HCFC2: variants seen among roughly 807,000 people sequenced by gnomAD.
HCFC2 encodes host cell factor C2.
Under a neutral mutation model 89.2 loss-of-function variants are expected in HCFC2, and 18 were observed. The observed-to-expected ratio is 0.20, with a 90% CI of 0.14 to 0.30. The LOEUF (loss-of-function observed/expected upper bound fraction) is 0.30, where lower values mean the gene tolerates loss of function less well. Ranked by LOEUF, HCFC2 falls within the 10% of genes least tolerant of loss-of-function variation. The pLI is 1.00. For missense variants in HCFC2, 578 were observed against 956.1 expected (o/e 0.60, Z 5.21); for synonymous variants, 308 against 335.7 (o/e 0.92, Z 0.90).
At position 104,105,277 on chromosome 12, in the gene HCFC2, A is replaced by G. The variant is rs1243729574; in HGVS notation, c.*2004A>G. 6.6e-6 allele frequency: 1 copy of G among 152,064 alleles called. No individual in the cohort carries two copies. Among genetic ancestry groups the G allele is most frequent in the East Asian group, 1.9e-4 (1 of 5,204 alleles). The allele number at this position is 152,064 out of a possible 1,614,324, so 9.4% of individuals were successfully genotyped here. On this transcript the variant is annotated 3_prime_UTR_variant, in exon 15 of 15. Coordinates refer to ENST00000229330, the MANE Select transcript of HCFC2 (RefSeq NM_013320.3). ...TAAAGATCTATTGCTTTAATAGAAA[A>G]AGTTTGGCTTTTAACCCTTTCTTCT... is the stretch of plus-strand genomic sequence containing the variant.
At chr12:104,072,229 G>A (rs1275345399) in intron 3 of HCFC2, among the ~76,000 whole-genome samples, 3 of 152,130 alleles carry the variant, frequency 2.0e-5, no homozygotes, top group Non-Finnish European at 2.9e-5. Flanking sequence ...AAAATTAGCC[G>A]GGTGTAGTGG....
Position 104,080,830 on chromosome 12 carries a change from A to G in HCFC2, c.767A>G (p.Lys256Arg). Residue 256 changes from lysine to arginine, a missense_variant and splice_region_variant, in exon 5 of 15, where the codon AAG becomes AGG. By Grantham distance (26) the Lys-to-Arg change is conservative. Transcript: ENST00000229330. ...SLHTASVIGN[K>R]MYIFGGWVPH... ...CATACAGCCAGTGTTATAGGAAACA[A>G]GTATGGTGGTTTTTTGTATTTTGCT... 1 of 1,587,890 alleles carries G rather than the reference A, an allele frequency of 6.3e-7. No individual in the cohort carries two copies. The highest frequency in any genetic ancestry group is 8.6e-7 in the Non-Finnish European group (1 of 1,166,590).
At chr12:104,086,737 G>A in intron 7 of HCFC2, 110 bp from the exon 8 acceptor site, 1 of 851,560 alleles carries the variant, frequency 1.2e-6, no homozygotes, top group Non-Finnish European at 1.8e-6. Flanking sequence ...TTGGTAAGCA[G>A]ATGAAATGTT....
At chr12:104,090,197 T>G (rs2136619846) in intron 9 of HCFC2, among the ~76,000 whole-genome samples, 1 of 152,354 alleles carries the variant, frequency 6.6e-6, no homozygotes, top group East Asian at 1.9e-4. Flanking sequence ...CCTATTTAAC[T>G]AATAGTTTGG....
At chr12:104,100,303 A>T (rs1398917786) in intron 13 of HCFC2, among the ~76,000 whole-genome samples, 1 of 152,176 alleles carries the variant, frequency 6.6e-6, no homozygotes, top group African/African-American at 2.4e-5. Context: ...TATGAAGGCC[A>T]GGTGCAGTGA....
intron 7 of HCFC2, among the ~76,000 whole-genome samples, chr12:104,085,984 TTCC>T (rs1156958853): frequency 6.6e-6 from 1 of 151,812 alleles, no homozygotes; most frequent in Admixed American, 6.6e-5. Context: ...GATTTATCTC[TTCC>T]TCCCACCATT....
intron 9 of HCFC2, among the ~76,000 whole-genome samples, chr12:104,090,556 A>G (rs1300063942): frequency 6.6e-6 from 1 of 150,936 alleles, no homozygotes; most frequent in East Asian, 1.9e-4. Flanking sequence ...TTCTCTGTGT[A>G]TTCCAATTTT....
Position 104,080,732 on chromosome 12 carries a change from AT to A in HCFC2, c.683-9del. ...GTTAGATCAAGTTGCTAATATAATT[AT>A]TTTTACTTTTAGAAACTATGTCATG... On this transcript the variant is annotated splice_polypyrimidine_tract_variant and intron_variant, in intron 4 of 14. Coordinates refer to ENST00000229330, the MANE Select transcript of HCFC2 (RefSeq NM_013320.3). The A allele has an allele frequency of 6.6e-7, 1 of 1,526,460 alleles. No individual in the cohort carries two copies. Among genetic ancestry groups the A allele is most frequent in the Non-Finnish European group, 8.9e-7 (1 of 1,120,720 alleles). The allele number at this position is 1,526,460 out of a possible 1,614,324, so 94.6% of individuals were successfully genotyped here. A position where few individuals can be genotyped will look rare whatever the true frequency, so the allele number is the denominator to read the frequency against.
chr12:104,079,234 A>T (rs1883606073), intron 3 of HCFC2, among the ~76,000 whole-genome samples: 1 of 152,196 alleles, frequency 6.6e-6, no homozygotes, highest in African/African-American at 2.4e-5. Context: ...TCTTCTGCTC[A>T]CTACTGAGCC....
At chr12:104,086,036 C>T (rs555939802) in intron 7 of HCFC2, among the ~76,000 whole-genome samples, 4 of 148,320 alleles carry the variant, frequency 2.7e-5, no homozygotes, top group African/African-American at 7.4e-5. Flanking sequence ...CTCACTCTGC[C>T]GCCCAGGCTG....
chr12:104,102,648 C>T (rs1310549551), intron 14 of HCFC2, among the ~76,000 whole-genome samples: 2 of 151,996 alleles, frequency 1.3e-5, no homozygotes, highest in East Asian at 1.9e-4. Context: ...ATAGAGCACT[C>T]GAAACTGGAT....
In HCFC2 at chr12:104,095,241, G is replaced by A. The variant is rs1884139764; in HGVS notation, c.1463-119G>A. ...TGGATAATTCATACTAATACCATTT[G>A]TGGTGCTCATGTATGATTTTAAAAC... On this transcript the variant is annotated intron_variant, in intron 10 of 14. Transcript: ENST00000229330. This position sits in a 1 kb window ranked among gnomAD's most constrained non-coding sequence, Gnocchi z 4.2. 4.2e-6 allele frequency: 3 copies of A among 710,074 alleles called. No homozygotes were observed. The highest frequency in any genetic ancestry group is 4.7e-6 in the Non-Finnish European group (2 of 421,824). The allele number at this position is 710,074 out of a possible 1,614,324, so 44.0% of individuals were successfully genotyped here. A position where few individuals can be genotyped will look rare whatever the true frequency, so the allele number is the denominator to read the frequency against.
chr12:104,076,325 T>C (rs928060058), intron 3 of HCFC2, among the ~76,000 whole-genome samples: 1 of 152,214 alleles, frequency 6.6e-6, no homozygotes, highest in Non-Finnish European at 1.5e-5. Context: ...TGAGTCTAGG[T>C]CTTATCAACT....
chr12:104,078,062 G>A (rs1397351882), intron 3 of HCFC2, among the ~76,000 whole-genome samples: 3 of 151,856 alleles, frequency 2.0e-5, no homozygotes, highest in East Asian at 3.9e-4. Context: ...GCAGTGGCAC[G>A]ATCTTGGCTC....
intron 9 of HCFC2, among the ~76,000 whole-genome samples, chr12:104,089,953 C>G (rs1395748283): frequency 1.3e-5 from 2 of 152,090 alleles, no homozygotes; most frequent in East Asian, 3.8e-4. Context: ...CCTGGAGCCC[C>G]CTGTCCTTAT....
chr12:104,098,801 CCATCCT>C (rs748209237), intron 13 of HCFC2, among the ~76,000 whole-genome samples: 47 of 152,268 alleles, frequency 3.1e-4, no homozygotes, highest in Non-Finnish European at 5.1e-4. Flanking sequence ...GAGATCAAGA[CCATCCT>C]GGCTAACACG....
chr12:104,064,608 G>T lies in HCFC2; in HGVS notation c.48G>T (p.Thr16=), dbSNP rs778122691. 2 of 1,575,628 alleles carry T rather than the reference G, an allele frequency of 1.3e-6. No individual in the cohort carries two copies. Among genetic ancestry groups the T allele is most frequent in the African/African-American group, 1.4e-5 (1 of 71,492 alleles). The change falls in exon 1 of 15, where the codon ACG becomes ACT. Residue 16 remains threonine (T), a synonymous_variant. Coordinates refer to ENST00000229330, the MANE Select transcript of HCFC2 (RefSeq NM_013320.3). The surrounding 1 kb of genome is among the most constrained non-coding windows in gnomAD (Gnocchi z 7.3). ...ACTGGAGGCGAGTTTCTTCCTTCAC[G>T]GGGCCGGTCCCCCGCGCCCGGCACG... is the stretch of plus-strand genomic sequence containing the variant. The part of the protein sequence containing the change: ...LLNWRRVSSF[T]GPVPRARHGH...
intron 5 of HCFC2, 39 bp downstream of exon 5, chr12:104,080,869 A>G (rs1224443685): frequency 1.5e-6 from 2 of 1,308,212 alleles, no homozygotes; most frequent in Non-Finnish European, 2.2e-6. Context: ...GTTTTTTTTA[A>G]AAAAACAACT....
chr12:104,096,891 A>G (rs73390498), intron 12 of HCFC2, among the ~76,000 whole-genome samples: 4,029 of 152,296 alleles, frequency 0.026, 188 homozygotes, highest in African/African-American at 0.092. Flanking sequence ...TATGGAACAT[A>G]AAACTTGAAT....
Sources: gnomAD v4.1 joint callset for allele counts (sites outside exome capture counted in the v4.1 genomes callset) on GRCh38, gnomAD v4.1.1 for gene constraint, Gnocchi (gnomAD v3.1) non-coding constraint, MANE v1.5 for transcripts, NCBI Gene and HGNC (gene_info 2026-07-23, HGNC 2026-07-21) for gene names.